Variants in NIBAN2 observed in about 807,000 individuals in gnomAD.
NIBAN2 encodes the protein niban apoptosis regulator 2.
Under a neutral mutation model 81.8 loss-of-function variants are expected in NIBAN2, and 36 were observed. That is an observed-to-expected ratio of 0.44 (90% CI 0.34 to 0.58). NIBAN2 has a LOEUF of 0.58. Among genes scored for constraint, NIBAN2 ranks in the 20% least tolerant of loss-of-function variants. NIBAN2 has a pLI of 0.02. For missense variants in NIBAN2, 897 were observed against 1,014.1 expected, an observed-to-expected ratio of 0.88 and a Z score of 1.57; for synonymous variants, 445 against 441.6, an observed-to-expected ratio of 1.01 and a Z score of -0.10.
chr9:127,510,476 GC>G, intron 8 of NIBAN2, 143 bp from the exon 9 acceptor site: 1 of 505,898 alleles, frequency 2.0e-6, no homozygotes. Context: ...TCGCTCTGTC[GC>G]CCAGGCTGGA....
intron 1 of NIBAN2, among the ~76,000 whole-genome samples, chr9:127,552,686 T>TTTC (rs1837598817): frequency 7.5e-6 from 1 of 132,952 alleles, no homozygotes; most frequent in African/African-American, 3.0e-5. Context: ...GAATATTCGT[T>TTTC]TTTTTTTTTT....
intron 1 of NIBAN2, among the ~76,000 whole-genome samples, chr9:127,535,961 A>G (rs967637681): frequency 2.0e-5 from 3 of 152,090 alleles, no homozygotes; most frequent in African/African-American, 7.2e-5. Context: ...GGGGGACAGC[A>G]TTAGCAAGGG....
At position 127,510,224 on chromosome 9, in the gene NIBAN2, C is replaced by A. The variant is rs762112827; in HGVS notation, c.1083G>T (p.Val361=). Residue 361 remains valine (V), a synonymous_variant, in exon 9 of 14, where the codon GTG becomes GTT. Transcript: ENST00000373312. ...TGACCTCCTTGAAGAAGACATCTCG[C>A]ACCTCAGTGAAGCCCTGGCTGGTGG... ...MVPTSQGFTE[V]RDVFFKEVTD... is the part of the protein sequence containing the mutation. 2.5e-6 allele frequency: 4 copies of A among 1,614,166 alleles called. No homozygotes were observed. In the South Asian group the frequency reaches 4.4e-5, roughly 18 times the overall value.
At chr9:127,529,827 T>G (rs73599537) in intron 2 of NIBAN2, among the ~76,000 whole-genome samples, 3,624 of 152,304 alleles carry the variant, frequency 0.024, 140 homozygotes, top group African/African-American at 0.083. Flanking sequence ...AACTTTGCAT[T>G]GTGATGATCG....
rs74469206 is a variant in NIBAN2 at position 127,552,527 on chromosome 9, T to C, written c.55+16293A>G. ...AGGAGATTGAGGCTGCAATTGGCCA[T>C]GATGGTGACACTGCCCTCAAGCCTG... On this transcript the variant is annotated intron_variant, in intron 1 of 13. Coordinates refer to ENST00000373312, the MANE Select transcript of NIBAN2 (RefSeq NM_022833.4). 8.5e-3 allele frequency among the ~76,000 whole-genome samples: 1,291 copies of C among 151,998 alleles called. 18 individuals carry two copies. The highest frequency in any genetic ancestry group is 0.066 in the East Asian group (340 of 5,176).
chr9:127,543,930 C>T (rs1305421007), intron 1 of NIBAN2, among the ~76,000 whole-genome samples: 2 of 152,236 alleles, frequency 1.3e-5, no homozygotes, highest in Non-Finnish European at 2.9e-5. Flanking sequence ...TTATAGTCAA[C>T]ATTGTTTCAT....
At chr9:127,564,642 G>A (rs1405608477) in intron 1 of NIBAN2, among the ~76,000 whole-genome samples, 1 of 152,158 alleles carries the variant, frequency 6.6e-6, no homozygotes, top group Non-Finnish European at 1.5e-5. Flanking sequence ...GGAGGTCGAG[G>A]TGGGTGGATC....
Position 127,553,882 on chromosome 9 carries a change from AT to A in NIBAN2, c.55+14937del, listed in dbSNP as rs549468805. Among the ~76,000 whole-genome samples, 8 of 151,380 alleles carry A rather than the reference AT, an allele frequency of 5.3e-5. No individual in the cohort carries two copies. The East Asian group carries it at 5.8e-4, about 11-fold the overall frequency. The stretch of plus-strand genomic sequence containing the variant: ...AGGCTTGTGCCACCATGCCTGGCTA[AT>A]TTTTTTTTACTTAGCAGGGACACCT... On this transcript the variant is annotated intron_variant, in intron 1 of 13. Coordinates refer to ENST00000373312, the MANE Select transcript of NIBAN2 (RefSeq NM_022833.4).
chr9:127,510,082 G>T, intron 9 of NIBAN2, 64 bp downstream of exon 9: 1 of 1,452,558 alleles, frequency 6.9e-7, no homozygotes, highest in South Asian at 1.4e-5. Flanking sequence ...CGCAGCCGGG[G>T]CCCTCTGGGA....
chr9:127,508,366 G>C lies in NIBAN2; in HGVS notation c.1434+56C>G. 4 of 1,476,328 alleles carry C rather than the reference G, an allele frequency of 2.7e-6. No homozygotes were observed. The South Asian group carries it at 3.4e-5, about 13-fold the overall frequency. 91.5% of individuals were successfully genotyped at this position (1,476,328 alleles called of 1,614,324 possible). Reference sequence around the variant, plus strand: ...CAATCCTGGTGGTGGCCGGGGATGAGGCTCGGGGCTCGGCCTCGCCTAGGA... The same window carrying C: ...CAATCCTGGTGGTGGCCGGGGATGACGCTCGGGGCTCGGCCTCGCCTAGGA... On this transcript the variant is annotated intron_variant, in intron 11 of 13. Transcript: ENST00000373312. The surrounding 1 kb of genome is among the most constrained non-coding windows in gnomAD (Gnocchi z 6.4).
At chr9:127,532,831 G>A (rs1189882762) in intron 1 of NIBAN2, among the ~76,000 whole-genome samples, 20 of 152,108 alleles carry the variant, frequency 1.3e-4, no homozygotes, top group Non-Finnish European at 2.9e-5. Context: ...CCAGGAGTTT[G>A]AGACCAGCCT....
intron 1 of NIBAN2, among the ~76,000 whole-genome samples, chr9:127,552,166 C>T (rs1356076584): frequency 6.6e-6 from 1 of 152,232 alleles, no homozygotes; most frequent in African/African-American, 2.4e-5. Flanking sequence ...CCCAGCACCC[C>T]CAGTCCCAGC....
chr9:127,564,912 T>C (rs1173977708), intron 1 of NIBAN2, among the ~76,000 whole-genome samples: 1 of 151,802 alleles, frequency 6.6e-6, no homozygotes, highest in Non-Finnish European at 1.5e-5. Context: ...ATTATGAGCA[T>C]GTACAGAGAG....
intron 5 of NIBAN2, among the ~76,000 whole-genome samples, chr9:127,523,169 TAAAAA>T (rs1159040869): frequency 1.8e-4 from 2 of 11,326 alleles, no homozygotes; most frequent in African/African-American, 6.1e-4. Context: ...TTGGTGGTTT[TAAAAA>T]AAAAAAAAAA....
chr9:127,543,658 G>A (rs1029500827), intron 1 of NIBAN2, among the ~76,000 whole-genome samples: 5 of 152,078 alleles, frequency 3.3e-5, no homozygotes, highest in African/African-American at 1.2e-4. Flanking sequence ...CACCCTGGGC[G>A]TCTCTCGCCT....
At chr9:127,544,176 G>T (rs981893767) in intron 1 of NIBAN2, among the ~76,000 whole-genome samples, 1 of 152,198 alleles carries the variant, frequency 6.6e-6, no homozygotes, top group African/African-American at 2.4e-5. Context: ...GGTTGGAATG[G>T]TATCTTGTTC....
Position 127,527,280 on chromosome 9 carries a change from G to A in NIBAN2, c.229C>T (p.Gln77Ter), listed in dbSNP as rs757758810. The A allele has an allele frequency of 6.2e-7, 1 of 1,613,980 alleles. No individual in the cohort carries two copies. The highest frequency in any genetic ancestry group is 1.7e-5 in the Admixed American group (1 of 60,018). ...CACTTCTTGCTGTCCTCCTGGTGCT[G>A]GAAGAGGTTCCCCGAGAAGACGATG... ...ERIVFSGNLF[Q>*]HQEDSKKWRN... The change falls in exon 3 of 14, where the codon CAG becomes TAG. Residue 77 changes from glutamine to a stop codon, truncating the protein, a stop_gained. Coordinates refer to ENST00000373312, the MANE Select transcript of NIBAN2 (RefSeq NM_022833.4). LOFTEE classifies it high-confidence loss of function.
chr9:127,569,456 G>A (rs1047797583), upstream of NIBAN2, among the ~76,000 whole-genome samples: 1 of 151,760 alleles, frequency 6.6e-6, no homozygotes, highest in African/African-American at 2.4e-5. Context: ...AAAACTGGGG[G>A]TGCTCTGGGG....
chr9:127,522,306 G>A (rs1168082028), intron 5 of NIBAN2, among the ~76,000 whole-genome samples: 3 of 152,154 alleles, frequency 2.0e-5, no homozygotes, highest in South Asian at 4.1e-4. Flanking sequence ...TGAGTCCCAC[G>A]GCAGCAGCCC....
Sources: allele counts gnomAD v4.1 joint callset (sites outside exome capture counted in the v4.1 genomes callset), GRCh38; gene constraint gnomAD v4.1.1; non-coding constraint Gnocchi (gnomAD v3.1); transcripts MANE v1.5; gene names NCBI Gene and HGNC (gene_info 2026-07-23, HGNC 2026-07-21).